The following GAL variants were observed in gnomAD, a reference collection of about 807,000 sequenced individuals.
GAL encodes the protein galanin peptides.
GAL carries 14 observed loss-of-function variants against 15.8 expected under a neutral mutation model. That is an observed-to-expected ratio of 0.89 (90% confidence interval 0.59 to 1.39). The LOEUF is 1.39. Ranked by LOEUF, GAL falls within the 40% of genes most tolerant of loss-of-function variation. The probability of loss-of-function intolerance (pLI) is 0.00; values close to 1 mark genes in which losing one functional copy is unlikely to be tolerated. For missense variants in GAL, 176 were observed against 170.4 expected (o/e 1.03, Z -0.18); for synonymous variants, 79 against 73.8 (o/e 1.07, Z -0.36).
chr11:68,686,051 G>T (rs540695034), intron 3 of GAL, among the ~76,000 whole-genome samples: 116 of 152,284 alleles, frequency 7.6e-4, no homozygotes, highest in African/African-American at 2.8e-3. Flanking sequence ...CTCCACACGG[G>T]AATTGCCAGA....
Position 68,684,629 on chromosome 11 carries a change from C to T in GAL, c.-104C>T, listed in dbSNP as rs995941592. The T allele has an allele frequency of 6.7e-6, 2 of 297,866 alleles. No individual in the cohort carries two copies. The highest frequency in any genetic ancestry group is 1.2e-5 in the Non-Finnish European group (2 of 162,014). The allele number at this position is 297,866 out of a possible 1,614,324, so 18.5% of individuals were successfully genotyped here. A position where few individuals can be genotyped will look rare whatever the true frequency, so the allele number is the denominator to read the frequency against. On this transcript the variant is annotated 5_prime_UTR_variant, in exon 1 of 6. Transcript: ENST00000265643. ...GCGCCATGCGGTGAGCGCCCCAGGC[C>T]GCCAGAGCCCACCCGACCCGGCCCG... is the stretch of plus-strand genomic sequence containing the variant.
Position 68,688,911 on chromosome 11 carries a change from T to G in GAL, c.286T>G (p.Phe96Val). 1.3e-6 allele frequency: 2 copies of G among 1,520,690 alleles called. No individual in the cohort carries two copies. The highest frequency in any genetic ancestry group is 1.1e-5 in the South Asian group (1 of 89,146). 94.2% of individuals were successfully genotyped at this position (1,520,690 alleles called of 1,614,324 possible). A position where few individuals can be genotyped will look rare whatever the true frequency, so the allele number is the denominator to read the frequency against. ...GCGCACAATCATTGAGTTTCTGTCT[T>G]TCTTGCATCTCAAAGGTATGTGAAA... ...IMRTIIEFLS[F>V]LHLKEAGALD... Residue 96 changes from phenylalanine to valine, a missense_variant, in exon 5 of 6, where the codon TTC (phenylalanine) becomes GTC (valine). Transcript: ENST00000265643.
Position 68,691,131 on chromosome 11 carries a change from T to C in GAL, c.*144T>C. Reference sequence around the variant, plus strand: ...GTGTTGTTATCATTTAAGATTTTTTTTTTTTGGTAATTATTTTGAGTGGCA... The same window carrying C: ...GTGTTGTTATCATTTAAGATTTTTTCTTTTTGGTAATTATTTTGAGTGGCA... On this transcript the variant is annotated 3_prime_UTR_variant, in exon 6 of 6. Transcript: ENST00000265643. 1.7e-6 allele frequency: 1 copy of C among 601,564 alleles called. No individual in the cohort carries two copies. Among genetic ancestry groups the C allele is most frequent in the Non-Finnish European group, 3.0e-6 (1 of 336,896 alleles). The allele number at this position is 601,564 out of a possible 1,614,324, so 37.3% of individuals were successfully genotyped here.
At position 68,688,859 on chromosome 11, in the gene GAL, C is replaced by T; in HGVS notation, c.234C>T (p.Asp78=). 2.6e-6 allele frequency: 4 copies of T among 1,535,582 alleles called. No homozygotes were observed. The highest frequency in any genetic ancestry group is 3.6e-6 in the Non-Finnish European group (4 of 1,108,512). Residue 78 remains aspartate, a synonymous_variant, in exon 5 of 6, where the codon GAC becomes GAT. Transcript: ENST00000265643. ...TCTTTTCTCTTCTAGGAAGCTTTGA[C>T]AGGTCCATACCTGAAAACAATATCA... The part of the protein sequence containing the change: ...PEDDMKPGSF[D]RSIPENNIMR...
Position 68,685,648 on chromosome 11 carries a change from C to G in GAL, c.136C>G (p.His46Asp). Residue 46 changes from histidine to aspartate, a missense_variant and splice_region_variant, in exon 3 of 6, where the codon CAT becomes GAT. Physicochemically the swap from His to Asp is moderately conservative, Grantham distance 81 (BLOSUM62 -1). Coordinates refer to ENST00000265643, the MANE Select transcript of GAL (RefSeq NM_015973.5). ...CAGCGCGGGCTACCTGCTGGGCCCACGTAAGTGACTGACAGCATGGCCTCC... is the reference window on the plus strand; with the variant it reads ...CAGCGCGGGCTACCTGCTGGGCCCAGGTAAGTGACTGACAGCATGGCCTCC... ...LNSAGYLLGPHAVGNHRSFSD... is the reference protein window; with the variant it reads ...LNSAGYLLGPDAVGNHRSFSD... 1 of 1,610,202 alleles carries G rather than the reference C, an allele frequency of 6.2e-7. No homozygotes were observed.
chr11:68,690,771 G>A (rs1182478031), intron 5 of GAL, 146 bp from the exon 6 acceptor site: 8 of 654,692 alleles, frequency 1.2e-5, no homozygotes, highest in African/African-American at 7.1e-5. Context: ...GGAATACAGA[G>A]TGTTGTCCCT....
At chr11:68,690,142 G>C (rs747946366) in intron 5 of GAL, among the ~76,000 whole-genome samples, 5 of 151,988 alleles carry the variant, frequency 3.3e-5, no homozygotes, top group African/African-American at 4.8e-5. Flanking sequence ...GGTGCTCTGA[G>C]AGTTAAGGGG....
rs534755236 is a variant in GAL at position 68,685,417 on chromosome 11, G to C, written c.82-177G>C. On this transcript the variant is annotated intron_variant, in intron 2 of 5. Coordinates refer to ENST00000265643, the MANE Select transcript of GAL (RefSeq NM_015973.5). ...AAGTGAAGTATTTCGTAAATAAAGT[G>C]GTTCCATTTTCATGTCAAATATAGC... 1.1e-4 allele frequency among the ~76,000 whole-genome samples: 17 copies of C among 152,350 alleles called. No homozygotes were observed. The East Asian group carries it at 3.1e-3, about 28-fold the overall frequency.
At chr11:68,685,130 C>T (rs1945839180) in intron 2 of GAL, 126 bp downstream of exon 2, 1 of 668,132 alleles carries the variant, frequency 1.5e-6, no homozygotes. Flanking sequence ...GAAAGGCGGG[C>T]GCTGTCCTGG....
At chr11:68,686,978 C>A (rs577174624) in intron 3 of GAL, among the ~76,000 whole-genome samples, 1 of 152,138 alleles carries the variant, frequency 6.6e-6, no homozygotes, top group Admixed American at 6.5e-5. Flanking sequence ...TGTAGCTAGA[C>A]GAGTTGTTTG....
chr11:68,688,006 G>T lies in GAL; in HGVS notation c.137-8G>T. On this transcript the variant is annotated splice_region_variant and splice_polypyrimidine_tract_variant and intron_variant, in intron 3 of 5. Coordinates refer to ENST00000265643, the MANE Select transcript of GAL (RefSeq NM_015973.5). Reference sequence around the variant, plus strand: ...ACCCAGAGGCTTTCCTCTCTGATCTGCAAACAGATGCCGTTGGCAACCACA... The same window carrying T: ...ACCCAGAGGCTTTCCTCTCTGATCTTCAAACAGATGCCGTTGGCAACCACA... 1 of 1,596,758 alleles carries T rather than the reference G, an allele frequency of 6.3e-7. No individual in the cohort carries two copies. The highest frequency in any genetic ancestry group is 8.6e-7 in the Non-Finnish European group (1 of 1,164,552).
chr11:68,685,934 G>A (rs915728995), intron 3 of GAL, among the ~76,000 whole-genome samples: 1 of 152,126 alleles, frequency 6.6e-6, no homozygotes, highest in African/African-American at 2.4e-5. Flanking sequence ...CCTGTTCTGG[G>A]CCTCTCCCCA....
At chr11:68,686,064 G>A (rs963604875) in intron 3 of GAL, among the ~76,000 whole-genome samples, 2 of 152,216 alleles carry the variant, frequency 1.3e-5, no homozygotes, top group Middle Eastern at 3.4e-3. Flanking sequence ...TTGCCAGATC[G>A]CCTGAAGGCA....
At chr11:68,686,689 T>C (rs1945856473) in intron 3 of GAL, among the ~76,000 whole-genome samples, 1 of 152,152 alleles carries the variant, frequency 6.6e-6, no homozygotes. Flanking sequence ...CAGAGCCTGC[T>C]GGTCTCTGTG....
chr11:68,690,909 C>G lies in GAL; in HGVS notation c.302-8C>G, dbSNP rs1048583928. 2 of 1,604,074 alleles carry G rather than the reference C, an allele frequency of 1.2e-6. No homozygotes were observed. The highest frequency in any genetic ancestry group is 2.7e-5 in the African/African-American group (2 of 74,732). On this transcript the variant is annotated splice_polypyrimidine_tract_variant and splice_region_variant and intron_variant, in intron 5 of 5. Transcript: ENST00000265643. ...GTTGCTGCTCAGATGTGGCTCTTCC[C>G]TTTGCAGAGGCCGGTGCCCTCGACC...
At chr11:68,690,265 G>A (rs1397427465) in intron 5 of GAL, among the ~76,000 whole-genome samples, 1 of 152,146 alleles carries the variant, frequency 6.6e-6, no homozygotes, top group Non-Finnish European at 1.5e-5. Context: ...GGGATGGACC[G>A]TTAGCCTCTC....
intron 3 of GAL, among the ~76,000 whole-genome samples, chr11:68,686,652 G>A (rs900962725): frequency 2.0e-5 from 3 of 152,176 alleles, no homozygotes; most frequent in South Asian, 2.1e-4. Flanking sequence ...CTGAGGCCGC[G>A]TGCGGATCGG....
At position 68,688,872 on chromosome 11, in the gene GAL, GA is replaced by G; in HGVS notation, c.251del (p.Asn84ThrfsTer52). The G allele has an allele frequency of 6.4e-7, 1 of 1,571,886 alleles. No individual in the cohort carries two copies. The highest frequency in any genetic ancestry group is 8.8e-7 in the Non-Finnish European group (1 of 1,141,564). On this transcript the variant is annotated frameshift_variant, in exon 5 of 6. Coordinates refer to ENST00000265643, the MANE Select transcript of GAL (RefSeq NM_015973.5). LOFTEE classifies it high-confidence loss of function. ...KPGSFDRSIP[E>X]NNIMRTIIEF... ...AGGAAGCTTTGACAGGTCCATACCT[GA>G]AAACAATATCATGCGCACAATCATT...
intron 3 of GAL, among the ~76,000 whole-genome samples, chr11:68,687,242 C>T (rs562229787): frequency 7.9e-5 from 12 of 152,256 alleles, no homozygotes; most frequent in African/African-American, 2.4e-4. Context: ...AACACAGAGG[C>T]GTCCTCACCC....
Sources: gnomAD v4.1 joint callset for allele counts (sites outside exome capture counted in the v4.1 genomes callset) on GRCh38, gnomAD v4.1.1 for gene constraint, MANE v1.5 for transcripts, NCBI Gene and HGNC (gene_info 2026-07-23, HGNC 2026-07-21) for gene names.